The following LPP variants were observed in gnomAD, a reference collection of about 807,000 sequenced individuals.
LPP encodes LIM domain containing preferred translocation partner in lipoma.
LPP carries 38 observed loss-of-function variants against 60.4 expected under a neutral mutation model. That is an observed-to-expected ratio of 0.63 (90% CI 0.49 to 0.83). LPP has a LOEUF of 0.83. Among genes scored for constraint, LPP ranks in the 40% least tolerant of loss-of-function variants. LPP has a pLI of 0.00. For missense variants in LPP, 902 were observed against 783.6 expected (o/e 1.15, Z -1.80); for synonymous variants, 328 against 290.8 (o/e 1.13, Z -1.30).
At chr3:188,557,099 C>G (rs1579933396) in intron 6 of LPP, among the ~76,000 whole-genome samples, 1 of 151,960 alleles carries the variant, frequency 6.6e-6, no homozygotes, top group Non-Finnish European at 1.5e-5. Flanking sequence ...CCCTCCCTTT[C>G]TATTTCTGGG....
chr3:188,179,499 G>C, intron 1 of LPP: 1 of 457,842 alleles, frequency 2.2e-6, no homozygotes, highest in South Asian at 1.5e-5. Context: ...CGACACGCTT[G>C]TTTGCCCAGT....
chr3:188,233,410 G>A (rs1369456079), intron 2 of LPP, among the ~76,000 whole-genome samples: 2 of 152,208 alleles, frequency 1.3e-5, no homozygotes, highest in East Asian at 3.9e-4. Context: ...GCTCTGACCT[G>A]CTTTGGGTCC....
At chr3:188,601,630 C>T (rs950360845) in intron 6 of LPP, among the ~76,000 whole-genome samples, 5 of 152,172 alleles carry the variant, frequency 3.3e-5, no homozygotes, top group Non-Finnish European at 5.9e-5. Context: ...CTGACAATCA[C>T]CTGCCCCTTC....
intron 2 of LPP, among the ~76,000 whole-genome samples, chr3:188,262,311 T>C (rs1017770088): frequency 6.6e-6 from 1 of 151,814 alleles, no homozygotes; most frequent in Non-Finnish European, 1.5e-5. Context: ...AATAATAAAA[T>C]AGATATTGAA....
At chr3:188,233,596 C>G (rs1196209867) in intron 2 of LPP, among the ~76,000 whole-genome samples, 3 of 152,140 alleles carry the variant, frequency 2.0e-5, no homozygotes, top group Admixed American at 1.3e-4. Context: ...TGCAGCCACT[C>G]TATGATGTAA....
intron 8 of LPP, among the ~76,000 whole-genome samples, chr3:188,742,707 G>A (rs1030295220): frequency 7.9e-5 from 12 of 152,122 alleles, no homozygotes; most frequent in African/African-American, 2.9e-4. Flanking sequence ...ACTTTTTGGG[G>A]TGATGGAAAT....
intron 7 of LPP, among the ~76,000 whole-genome samples, chr3:188,612,670 T>A (rs1488379055): frequency 6.6e-6 from 1 of 152,224 alleles, no homozygotes; most frequent in African/African-American, 2.4e-5. Flanking sequence ...ATTTTTAATT[T>A]TTTTTAGTCA....
At chr3:188,318,129 C>A (rs549853904) in intron 2 of LPP, among the ~76,000 whole-genome samples, 1 of 152,290 alleles carries the variant, frequency 6.6e-6, no homozygotes, top group South Asian at 2.1e-4. Context: ...TCAGGAAGAT[C>A]CTTCTCTTAT....
chr3:188,585,013 A>G (rs1052865311), intron 6 of LPP, among the ~76,000 whole-genome samples: 5 of 152,176 alleles, frequency 3.3e-5, no homozygotes, highest in African/African-American at 1.2e-4. Context: ...TGTTGGTTTT[A>G]AGAAATTACT....
chr3:188,862,162 T>C (rs772978150), intron 9 of LPP, among the ~76,000 whole-genome samples: 3 of 152,188 alleles, frequency 2.0e-5, no homozygotes, highest in Admixed American at 6.5e-5. Flanking sequence ...TCCTATACTT[T>C]CCCACAGGTG....
intron 9 of LPP, among the ~76,000 whole-genome samples, chr3:188,804,283 A>G (rs1177269552): frequency 7.9e-6 from 1 of 126,720 alleles, no homozygotes; most frequent in Non-Finnish European, 1.6e-5. Flanking sequence ...ATATATATAT[A>G]AAATGGAATA....
chr3:188,186,566 A>G lies in LPP; in HGVS notation c.-190+32314A>G, dbSNP rs1726654477. Among the ~76,000 whole-genome samples, 3 of 149,456 alleles carry G rather than the reference A, an allele frequency of 2.0e-5. No individual in the cohort carries two copies. The Admixed American group carries it at 2.0e-4, about 10-fold the overall frequency. On this transcript the variant is annotated intron_variant, in intron 1 of 11. Coordinates refer to ENST00000617246, the MANE Select transcript of LPP (RefSeq NM_001375462.1). ...CTGCTGTTGGCAGTTAATCCTTTCT[A>G]GCTTGAAATAATTTTTTTCTAAGTT...
At chr3:188,546,150 A>G (rs918507150) in intron 6 of LPP, among the ~76,000 whole-genome samples, 2 of 152,164 alleles carry the variant, frequency 1.3e-5, no homozygotes, top group African/African-American at 4.8e-5. Flanking sequence ...GAGAAAACCA[A>G]GTTATAAAGA....
At chr3:188,812,014 T>A (rs371315837) in intron 9 of LPP, among the ~76,000 whole-genome samples, 10 of 152,276 alleles carry the variant, frequency 6.6e-5, no homozygotes, top group African/African-American at 2.4e-4. Flanking sequence ...ATCATTCTTT[T>A]ATTCCCCACC....
At chr3:188,330,225 A>G (rs1416136638) in intron 2 of LPP, among the ~76,000 whole-genome samples, 1 of 152,230 alleles carries the variant, frequency 6.6e-6, no homozygotes, top group Non-Finnish European at 1.5e-5. Context: ...TTAGAATACT[A>G]CATGTTCTTT....
At chr3:188,335,644 A>G (rs564231420) in intron 2 of LPP, among the ~76,000 whole-genome samples, 42 of 152,066 alleles carry the variant, frequency 2.8e-4, no homozygotes, top group African/African-American at 9.9e-4. Flanking sequence ...ATTTAGTAAA[A>G]TTGTCTATCT....
At chr3:188,266,597 T>C (rs914573263) in intron 2 of LPP, among the ~76,000 whole-genome samples, 10 of 152,122 alleles carry the variant, frequency 6.6e-5, no homozygotes, top group African/African-American at 2.4e-4. Flanking sequence ...TCTTATTATG[T>C]ACATAACTTT....
chr3:188,608,874 A>G (rs1307198408), intron 6 of LPP, among the ~76,000 whole-genome samples: 3 of 152,060 alleles, frequency 2.0e-5, no homozygotes, highest in Non-Finnish European at 2.9e-5. Flanking sequence ...TCAGTATATA[A>G]TCTTTCTCCT....
At chr3:188,576,364 G>A (rs1834617242) in intron 6 of LPP, among the ~76,000 whole-genome samples, 1 of 152,146 alleles carries the variant, frequency 6.6e-6, no homozygotes, top group Non-Finnish European at 1.5e-5. Flanking sequence ...GATGGTAAAC[G>A]GTAGGCTGGT....
Sources: gnomAD v4.1 joint callset for allele counts (sites outside exome capture counted in the v4.1 genomes callset) on GRCh38, gnomAD v4.1.1 for gene constraint, MANE v1.5 for transcripts, NCBI Gene and HGNC (gene_info 2026-07-23, HGNC 2026-07-21) for gene names.